The following MCTP1 variants were observed in gnomAD, a reference collection of about 807,000 sequenced individuals.
MCTP1 encodes multiple C2 and transmembrane domain containing 1, also known as multiple C2 and transmembrane domain-containing protein 1.
In MCTP1, 69 loss-of-function variants were observed where a neutral mutation model predicts 120.6. The ratio of observed to expected loss-of-function variants is 0.57; its 90% CI spans 0.47 to 0.70. The LOEUF is 0.70. Among genes scored for constraint, MCTP1 ranks in the 30% least tolerant of loss-of-function variants. The pLI is 0.00. For synonymous variants in MCTP1, 529 were observed against 493.1 expected (o/e 1.07, Z -0.96); for missense variants, 1,203 against 1,248.8 (o/e 0.96, Z 0.55).
chr5:95,205,495 A>G (rs1367612347), intron 1 of MCTP1, among the ~76,000 whole-genome samples: 1 of 152,176 alleles, frequency 6.6e-6, no homozygotes, highest in Non-Finnish European at 1.5e-5. Context: ...TACTTCATCA[A>G]AATTAATGTG....
chr5:95,092,447 G>A (rs1375876979), intron 1 of MCTP1, among the ~76,000 whole-genome samples: 1 of 152,144 alleles, frequency 6.6e-6, no homozygotes, highest in African/African-American at 2.4e-5. Flanking sequence ...CTACGTTCTA[G>A]TATTCTGTAG....
intron 17 of MCTP1, among the ~76,000 whole-genome samples, chr5:94,802,361 T>C (rs1358609453): frequency 1.3e-5 from 2 of 152,212 alleles, no homozygotes; most frequent in East Asian, 1.9e-4. Flanking sequence ...TATTAGATGT[T>C]TGAAAGTAGA....
At chr5:94,738,348 G>A (rs2152738100) in intron 19 of MCTP1, among the ~76,000 whole-genome samples, 1 of 152,180 alleles carries the variant, frequency 6.6e-6, no homozygotes, top group East Asian at 1.9e-4. Context: ...TCCTCTGCTT[G>A]AGAAAAATGA....
intron 17 of MCTP1, among the ~76,000 whole-genome samples, chr5:94,817,344 G>T (rs1200239205): frequency 6.6e-6 from 1 of 152,120 alleles, no homozygotes; most frequent in Non-Finnish European, 1.5e-5. Flanking sequence ...TGAGGCGGAG[G>T]TTGCAGTGAG....
At chr5:94,913,054 G>T in intron 8 of MCTP1, 78 bp from the exon 9 acceptor site, 1 of 932,540 alleles carries the variant, frequency 1.1e-6, no homozygotes, top group Non-Finnish European at 1.5e-6. Flanking sequence ...CTTTTCTCCT[G>T]TTATGATTCT....
chr5:95,217,054 G>A (rs1763692181), intron 1 of MCTP1, among the ~76,000 whole-genome samples: 1 of 152,138 alleles, frequency 6.6e-6, no homozygotes, highest in Non-Finnish European at 1.5e-5. Flanking sequence ...AAAATGCACA[G>A]TAAAGATTTC....
At chr5:95,163,075 T>G (rs773321993) in intron 1 of MCTP1, among the ~76,000 whole-genome samples, 24 of 152,242 alleles carry the variant, frequency 1.6e-4, no homozygotes, top group Non-Finnish European at 2.4e-4. Context: ...TTGTCTTCTT[T>G]GTATATGAAT....
chr5:95,121,113 C>A (rs1469805024), intron 1 of MCTP1, among the ~76,000 whole-genome samples: 2 of 151,746 alleles, frequency 1.3e-5, no homozygotes, highest in East Asian at 3.9e-4. Context: ...CCCGTCTCTA[C>A]TAAAAATACA....
At chr5:94,808,004 A>G (rs1782701009) in intron 17 of MCTP1, among the ~76,000 whole-genome samples, 1 of 152,166 alleles carries the variant, frequency 6.6e-6, no homozygotes, top group African/African-American at 2.4e-5. Context: ...TTGTCCTTAT[A>G]AGCATTTGAA....
intron 1 of MCTP1, among the ~76,000 whole-genome samples, chr5:95,265,863 C>T (rs1458861376): frequency 6.6e-6 from 1 of 152,134 alleles, no homozygotes; most frequent in Non-Finnish European, 1.5e-5. Flanking sequence ...CGGCAGTCAG[C>T]AAATGTTGAC....
At chr5:94,882,374 A>C (rs1800292706) in intron 12 of MCTP1, among the ~76,000 whole-genome samples, 2 of 152,018 alleles carry the variant, frequency 1.3e-5, no homozygotes, top group South Asian at 4.1e-4. Context: ...TTAGTCATTC[A>C]CGAGTCCAAC....
At position 95,284,023 on chromosome 5, in the gene MCTP1, G is replaced by A. The variant is rs1188457899; in HGVS notation, c.553C>T (p.Arg185Trp). The change falls in exon 1 of 23, where the codon CGG (arginine) becomes TGG (tryptophan). Residue 185 changes from arginine to tryptophan, a missense_variant. Coordinates refer to ENST00000515393, the MANE Select transcript of MCTP1 (RefSeq NM_024717.7). This position sits in a 1 kb window ranked among gnomAD's most constrained non-coding sequence, Gnocchi z 5.2. Reference protein sequence around the residue: ...RGDRARDEGARRQGPGAHLCH... With the variant: ...RGDRARDEGAWRQGPGAHLCH... ...AAGTGCGCCCCGGGGCCCTGACGCC[G>A]TGCACCCTCATCTCGGGCGCGGTCC... The A allele has an allele frequency of 2.7e-6, 4 of 1,500,270 alleles. No individual in the cohort carries two copies. Among genetic ancestry groups the A allele is most frequent in the East Asian group, 2.6e-5 (1 of 38,862 alleles). The allele number at this position is 1,500,270 out of a possible 1,614,324, so 92.9% of individuals were successfully genotyped here. A position where few individuals can be genotyped will look rare whatever the true frequency, so the allele number is the denominator to read the frequency against.
At chr5:95,164,446 C>T (rs920137217) in intron 1 of MCTP1, among the ~76,000 whole-genome samples, 1 of 152,086 alleles carries the variant, frequency 6.6e-6, no homozygotes, top group East Asian at 1.9e-4. Flanking sequence ...ATCTCTCCCC[C>T]CAAAAAATGC....
intron 15 of MCTP1, 55 bp from the exon 16 acceptor site, chr5:94,870,546 GT>G: frequency 7.9e-7 from 1 of 1,270,208 alleles, no homozygotes. Flanking sequence ...ATGTTTACAA[GT>G]TTTTCACGCA....
chr5:95,210,625 T>C (rs1752239816), intron 1 of MCTP1, among the ~76,000 whole-genome samples: 1 of 151,214 alleles, frequency 6.6e-6, no homozygotes, highest in Admixed American at 6.6e-5. Context: ...TGACTCTTTA[T>C]CCAATTTGCC....
chr5:94,890,873 C>T (rs1802426524), intron 11 of MCTP1, among the ~76,000 whole-genome samples: 1 of 152,186 alleles, frequency 6.6e-6, no homozygotes, highest in Non-Finnish European at 1.5e-5. Flanking sequence ...AGCACTTCTA[C>T]TCTGTAAATC....
chr5:95,222,252 C>T (rs1000529553), intron 1 of MCTP1, among the ~76,000 whole-genome samples: 3 of 152,198 alleles, frequency 2.0e-5, no homozygotes, highest in Non-Finnish European at 2.9e-5. Flanking sequence ...TGGCTAGAAC[C>T]TAGTCACATG....
intron 1 of MCTP1, among the ~76,000 whole-genome samples, chr5:95,198,053 A>G (rs1750589195): frequency 6.6e-6 from 1 of 152,112 alleles, no homozygotes; most frequent in African/African-American, 2.4e-5. Flanking sequence ...TTTTTGATCC[A>G]TGGCTCTTTG....
chr5:95,214,043 AC>A (rs1415930866), intron 1 of MCTP1, among the ~76,000 whole-genome samples: 2 of 152,300 alleles, frequency 1.3e-5, no homozygotes, highest in Admixed American at 6.5e-5. Context: ...GAGCTTCTGC[AC>A]AGCAAAAGAA....
Sources: gnomAD v4.1 joint callset for allele counts (sites outside exome capture counted in the v4.1 genomes callset) on GRCh38, gnomAD v4.1.1 for gene constraint, Gnocchi (gnomAD v3.1) non-coding constraint, MANE v1.5 for transcripts, NCBI Gene and HGNC (gene_info 2026-07-23, HGNC 2026-07-21) for gene names.